The following HYDIN variants were observed in gnomAD, a reference collection of about 807,000 sequenced individuals.
HYDIN encodes HYDIN axonemal central pair apparatus protein, also known as axonemal central pair apparatus protein HYDIN.
In HYDIN, 132 loss-of-function variants were observed where a neutral mutation model predicts 403.9. That is an observed-to-expected ratio of 0.33 (90% CI 0.28 to 0.38). The LOEUF is 0.38. Ranked by LOEUF, HYDIN falls within the 10% of genes least tolerant of loss-of-function variation. The pLI, the probability that HYDIN is intolerant of heterozygous loss-of-function variation, is 1.00. For missense variants in HYDIN, 2,827 were observed against 5,009.5 expected (o/e 0.56, Z 13.15); for synonymous variants, 1,202 against 1,891.7 (o/e 0.64, Z 9.46).
At chr16:71,192,453 A>C (rs1023458299) in intron 1 of HYDIN, among the ~76,000 whole-genome samples, 4 of 151,000 alleles carry the variant, frequency 2.6e-5, no homozygotes, top group African/African-American at 2.4e-5. Context: ...CACTCTCCAC[A>C]CTCCTTAGCA....
At chr16:70,922,003 T>C (rs2077009578) in intron 45 of HYDIN, among the ~76,000 whole-genome samples, 1 of 152,224 alleles carries the variant, frequency 6.6e-6, no homozygotes, top group African/African-American at 2.4e-5. Context: ...TTTGATGATA[T>C]TATGCAAAGT....
rs1054086053 is a variant in HYDIN, at chr16:71,202,958, T to C, written c.-23-16040A>G. Among the ~76,000 whole-genome samples the C allele has an allele frequency of 5.9e-5, 9 of 152,154 alleles. No homozygotes were observed. In the South Asian group the frequency reaches 1.9e-3, roughly 32 times the overall value. Reference sequence around the variant, plus strand: ...CTCTGATTGGTCTTGGGGGTGTACATGTGACCCTAACAATGCCTGTCATAA... The same window carrying C: ...CTCTGATTGGTCTTGGGGGTGTACACGTGACCCTAACAATGCCTGTCATAA... On this transcript the variant is annotated intron_variant, in intron 1 of 85. Coordinates refer to ENST00000393567, the MANE Select transcript of HYDIN (RefSeq NM_001270974.2).
At chr16:71,209,626 T>C (rs1317984532) in intron 1 of HYDIN, among the ~76,000 whole-genome samples, 3 of 152,150 alleles carry the variant, frequency 2.0e-5, no homozygotes, top group Non-Finnish European at 2.9e-5. Context: ...TAATTCTGTA[T>C]CTAGAAAACC....
intron 60 of HYDIN, among the ~76,000 whole-genome samples, chr16:70,882,059 T>A (rs370199234): frequency 0.017 from 2,527 of 152,198 alleles, 9 homozygotes; most frequent in African/African-American, 0.057. Flanking sequence ...TCATCTTGTA[T>A]GTGGATGAAG....
At chr16:71,208,570 G>A (rs2088417628) in intron 1 of HYDIN, among the ~76,000 whole-genome samples, 1 of 152,062 alleles carries the variant, frequency 6.6e-6, no homozygotes, top group African/African-American at 2.4e-5. Flanking sequence ...CTGAACTGAA[G>A]GAGATAGAGA....
intron 47 of HYDIN, among the ~76,000 whole-genome samples, chr16:70,909,881 G>A (rs146143962): frequency 2.0e-5 from 3 of 150,268 alleles, no homozygotes; most frequent in African/African-American, 7.3e-5. Flanking sequence ...ATTTTTAGTA[G>A]AGACGGGGTT....
intron 45 of HYDIN, 37 bp from the exon 46 acceptor site, chr16:70,921,254 T>C (rs1258637834): frequency 8.6e-6 from 13 of 1,519,676 alleles, no homozygotes; most frequent in South Asian, 8.0e-5. Context: ...CGTCAAACAG[T>C]TTTTTACGGG....
At chr16:71,216,206 G>A (rs2088872914) in intron 1 of HYDIN, among the ~76,000 whole-genome samples, 1 of 152,120 alleles carries the variant, frequency 6.6e-6, no homozygotes, top group Non-Finnish European at 1.5e-5. Context: ...TGGAATATTG[G>A]AAACAACCCA....
At position 70,807,921 on chromosome 16, in the gene HYDIN, C is replaced by A. The variant is rs199657414; in HGVS notation, c.15025G>T (p.Ala5009Ser). The A allele has an allele frequency of 1.2e-6, 2 of 1,614,144 alleles. No homozygotes were observed. The highest frequency in any genetic ancestry group is 1.6e-4 in the Middle Eastern group (1 of 6,062). The change falls in exon 86 of 86, where the codon GCA becomes TCA. Residue 5009 changes from alanine to serine, a missense_variant. Transcript: ENST00000393567. ...AGGGGGATGATATACTCTCCACCTG[C>A]GAGCGATGATAGGATCAGGATGCCC... ...TKGILILSSL[A>S]GGEYIIPLFG...
At chr16:71,177,388 T>C (rs2086711845) in intron 4 of HYDIN, among the ~76,000 whole-genome samples, 1 of 152,236 alleles carries the variant, frequency 6.6e-6, no homozygotes, top group South Asian at 2.1e-4. Flanking sequence ...GTCTGTGCAA[T>C]GCACCTCTTC....
chr16:70,989,862 C>T (rs1016796170), intron 25 of HYDIN, among the ~76,000 whole-genome samples: 9 of 152,002 alleles, frequency 5.9e-5, no homozygotes, highest in Admixed American at 3.3e-4. Flanking sequence ...GAGGATATGA[C>T]GATGAACAAA....
chr16:70,876,060 T>C (rs2040429315), intron 62 of HYDIN, among the ~76,000 whole-genome samples: 1 of 151,172 alleles, frequency 6.6e-6, no homozygotes, highest in South Asian at 2.1e-4. Context: ...GAATGAGGAG[T>C]AAATAGACCA....
At chr16:70,834,839 C>T (rs114464232) in intron 78 of HYDIN, among the ~76,000 whole-genome samples, 2,606 of 150,454 alleles carry the variant, frequency 0.017, 70 homozygotes, top group African/African-American at 0.061. Flanking sequence ...CAGAGTGAGA[C>T]TCCGACTCAA....
In HYDIN at chr16:70,807,351, A is replaced by G. The variant is rs1476792476; in HGVS notation, c.*229T>C. On this transcript the variant is annotated 3_prime_UTR_variant, in exon 86 of 86. Coordinates refer to ENST00000393567, the MANE Select transcript of HYDIN (RefSeq NM_001270974.2). ...CAAGAAACTCAATTTAGGGACTCACAAGGATTCAGTTGTCTAAAATATAGA... is the reference window on the plus strand; with the variant it reads ...CAAGAAACTCAATTTAGGGACTCACGAGGATTCAGTTGTCTAAAATATAGA... 2.0e-5 allele frequency: 10 copies of G among 494,560 alleles called. No individual in the cohort carries two copies. The East Asian group carries it at 3.4e-4, about 17-fold the overall frequency. The allele number at this position is 494,560 out of a possible 1,614,324, so 30.6% of individuals were successfully genotyped here.
chr16:70,891,358 T>A (rs1272704883), intron 57 of HYDIN, among the ~76,000 whole-genome samples: 2 of 152,072 alleles, frequency 1.3e-5, no homozygotes, highest in Non-Finnish European at 2.9e-5. Flanking sequence ...TTGGCTAATT[T>A]TTGTATTGTT....
At position 71,048,531 on chromosome 16, in the gene HYDIN, T is replaced by G. The variant is rs1443927417; in HGVS notation, c.2529+11973A>C. 5.5e-5 allele frequency among the ~76,000 whole-genome samples: 8 copies of G among 144,760 alleles called. 1 individual carries two copies. Among genetic ancestry groups the G allele is most frequent in the Non-Finnish European group, 1.5e-5 (1 of 65,410 alleles). 95.0% of individuals were successfully genotyped at this position (144,760 alleles called of 152,430 possible). On this transcript the variant is annotated intron_variant, in intron 18 of 85. Transcript: ENST00000393567. The stretch of plus-strand genomic sequence containing the variant: ...TTTTTTGTCCTTTTAATAATAGACA[T>G]CCTAACTGGGGTGAGATGCTATCTC...
chr16:71,199,521 T>G (rs2087879859), intron 1 of HYDIN, among the ~76,000 whole-genome samples: 1 of 152,148 alleles, frequency 6.6e-6, no homozygotes, highest in South Asian at 2.1e-4. Context: ...GGCTCCAATT[T>G]TGGGGTTCAC....
At chr16:71,156,985 T>C (rs939217119) in intron 6 of HYDIN, among the ~76,000 whole-genome samples, 7 of 148,402 alleles carry the variant, frequency 4.7e-5, no homozygotes, top group African/African-American at 1.8e-4. Context: ...AGTTGGAGAA[T>C]GTGTTTTATT....
At chr16:70,947,911 C>T (rs2077928414) in intron 41 of HYDIN, among the ~76,000 whole-genome samples, 1 of 149,420 alleles carries the variant, frequency 6.7e-6, no homozygotes, top group Admixed American at 6.6e-5. Context: ...AATGCCATCC[C>T]CATCAAGCTA....
Sources: allele counts gnomAD v4.1 joint callset (sites outside exome capture counted in the v4.1 genomes callset), GRCh38; gene constraint gnomAD v4.1.1; transcripts MANE v1.5; gene names NCBI Gene and HGNC (gene_info 2026-07-23, HGNC 2026-07-21).